Variants in MTMR8 observed in about 807,000 individuals in gnomAD.
MTMR8 encodes phosphatidylinositol-3,5-bisphosphate 3-phosphatase MTMR8.
MTMR8 carries 65 observed loss-of-function variants against 39.3 expected under a neutral mutation model. That is an observed-to-expected ratio of 1.65 (90% CI 1.35 to 2.03). The LOEUF is 2.03. Among genes scored for constraint, MTMR8 ranks in the 30% most tolerant of loss-of-function variants. MTMR8 has a pLI of 0.00. For missense variants in MTMR8, 777 were observed against 538.9 expected (o/e 1.44, Z -4.37); for synonymous variants, 245 against 185.2 (o/e 1.32, Z -2.62).
chrX:64,301,084 T>A (rs1179456073), intron 12 of MTMR8, among the ~76,000 whole-genome samples: 1 of 105,764 alleles, frequency 9.5e-6, no homozygotes, highest in Non-Finnish European at 2.0e-5. Flanking sequence ...GGAGTATCTT[T>A]GTGGCGTTCT....
intron 12 of MTMR8, among the ~76,000 whole-genome samples, chrX:64,302,987 C>A (rs1177907911): frequency 8.9e-6 from 1 of 112,394 alleles, no homozygotes; most frequent in African/African-American, 3.2e-5. Context: ...TGGCCTCGTG[C>A]TGTGAAGGAT....
At position 64,359,588 on chromosome X, in the gene MTMR8, G is replaced by A. The variant is rs188489941; in HGVS notation, c.25-61C>T. On this transcript the variant is annotated intron_variant, in intron 1 of 13. Coordinates refer to ENST00000374852, the MANE Select transcript of MTMR8 (RefSeq NM_017677.4). Reference sequence around the variant, plus strand: ...AACTCACCACCTATGATTGAAGTGGGGCCATTCAAAGCAAGATAAACGCTG... The same window carrying A: ...AACTCACCACCTATGATTGAAGTGGAGCCATTCAAAGCAAGATAAACGCTG... 272 of 1,089,977 alleles carry A rather than the reference G, an allele frequency of 2.5e-4. No homozygotes were observed. The African/African-American group carries it at 3.8e-3, about 15-fold the overall frequency. 89.8% of individuals were successfully genotyped at this position (1,089,977 alleles called of 1,213,427 possible). A position where few individuals can be genotyped will look rare whatever the true frequency, so the allele number is the denominator to read the frequency against.
chrX:64,381,592 G>A (rs1157307724), intron 1 of MTMR8, among the ~76,000 whole-genome samples: 3 of 110,623 alleles, frequency 2.7e-5, no homozygotes, highest in Non-Finnish European at 5.7e-5. Context: ...TTGCTGTGCA[G>A]AAGCTCTTTA....
intron 12 of MTMR8, among the ~76,000 whole-genome samples, chrX:64,286,630 T>A (rs1012823488): frequency 1.8e-5 from 2 of 111,802 alleles, no homozygotes; most frequent in Admixed American, 9.5e-5. Context: ...AAGTGGGCTT[T>A]ATCCCTGGGA....
chrX:64,295,472 T>A (rs1921544108), intron 12 of MTMR8, among the ~76,000 whole-genome samples: 1 of 111,408 alleles, frequency 9.0e-6, no homozygotes, highest in Non-Finnish European at 1.9e-5. Context: ...TGATAAACTG[T>A]ACTTTATCAA....
chrX:64,270,474 C>A (rs146162771), intron 13 of MTMR8, among the ~76,000 whole-genome samples: 1 of 112,175 alleles, frequency 8.9e-6, no homozygotes, highest in Non-Finnish European at 1.9e-5. Context: ...ACTTCTGTAA[C>A]CTGTAATTAA....
chrX:64,335,488 C>A (rs1184603966), intron 10 of MTMR8, among the ~76,000 whole-genome samples: 2 of 112,148 alleles, frequency 1.8e-5, no homozygotes, highest in African/African-American at 6.5e-5. Context: ...TAATATACAG[C>A]ACATTGTTAG....
Position 64,350,035 on chromosome X carries a change from A to G in MTMR8, c.504T>C (p.Pro168=). The change falls in exon 5 of 14, where the codon CCT becomes CCC. Residue 168 remains proline, a synonymous_variant. Coordinates refer to ENST00000374852, the MANE Select transcript of MTMR8 (RefSeq NM_017677.4). Reference sequence around the variant, plus strand: ...CCACCGTTCCCAAGGTAACAGATTTAGGAACCACTATTTCAGGAGGGTAGG... The same window carrying G: ...CCACCGTTCCCAAGGTAACAGATTTGGGAACCACTATTTCAGGAGGGTAGG... ...CSTYPPEIVV[P]KSVTLGTVVG... The G allele has an allele frequency of 8.4e-7, 1 of 1,186,191 alleles. No homozygotes were observed. Among genetic ancestry groups the G allele is most frequent in the Non-Finnish European group, 1.1e-6 (1 of 879,864 alleles).
chrX:64,377,028 G>T (rs2034722553), intron 1 of MTMR8, among the ~76,000 whole-genome samples: 1 of 112,252 alleles, frequency 8.9e-6, no homozygotes, highest in African/African-American at 3.2e-5. Flanking sequence ...AGCCTTGGCA[G>T]CTTCCACATG....
intron 11 of MTMR8, among the ~76,000 whole-genome samples, chrX:64,330,374 T>C (rs890934306): frequency 9.0e-6 from 1 of 111,341 alleles, no homozygotes; most frequent in African/African-American, 3.3e-5. Context: ...AGTACAAATG[T>C]TGAAACAGAA....
At chrX:64,283,582 G>A (rs1311595390) in intron 12 of MTMR8, among the ~76,000 whole-genome samples, 1 of 112,108 alleles carries the variant, frequency 8.9e-6, no homozygotes, top group African/African-American at 3.2e-5. Flanking sequence ...CCCAGTAGGG[G>A]CAGACTGACA....
At chrX:64,313,186 G>A (rs997455762) in intron 12 of MTMR8, among the ~76,000 whole-genome samples, 3 of 112,332 alleles carry the variant, frequency 2.7e-5, no homozygotes, top group Non-Finnish European at 3.8e-5. Flanking sequence ...CCAATAGAAA[G>A]CTGCTTCATC....
At chrX:64,309,086 T>G (rs1167971833) in intron 12 of MTMR8, among the ~76,000 whole-genome samples, 1 of 112,189 alleles carries the variant, frequency 8.9e-6, no homozygotes, top group Admixed American at 9.5e-5. Context: ...TTGTGTTGGC[T>G]ATTCTGAGTC....
chrX:64,304,036 C>G (rs1057231678), intron 12 of MTMR8, among the ~76,000 whole-genome samples: 2 of 111,802 alleles, frequency 1.8e-5, no homozygotes, highest in Non-Finnish European at 3.8e-5. Flanking sequence ...AAAATCTACA[C>G]AAATTAGCTT....
chrX:64,391,520 T>C lies in MTMR8; in HGVS notation c.24+3820A>G, dbSNP rs185223873. 3.6e-5 allele frequency among the ~76,000 whole-genome samples: 4 copies of C among 112,013 alleles called. No homozygotes were observed. The Admixed American group carries it at 3.8e-4, about 11-fold the overall frequency. On this transcript the variant is annotated intron_variant, in intron 1 of 13. Transcript: ENST00000374852. Reference sequence around the variant, plus strand: ...TTTCAGTCTCTTTCATTTTTGGACCTTGTGCTTGGCATCTCATCACCTTAC... The same window carrying C: ...TTTCAGTCTCTTTCATTTTTGGACCCTGTGCTTGGCATCTCATCACCTTAC...
At position 64,268,556 on chromosome X, in the gene MTMR8, T is replaced by A; in HGVS notation, c.2096A>T (p.Asp699Val). The A allele has an allele frequency of 8.3e-7, 1 of 1,207,453 alleles. No homozygotes were observed. ...ACTAACTCACTGATGCTTGGAGTAG[T>A]CTGCCTCCTTGGTGCTGGCCTTGGA... is the stretch of plus-strand genomic sequence containing the variant. ...GISKASTKEA[D>V]YSKHQ The change falls in exon 14 of 14, where the codon GAC becomes GTC. Residue 699 changes from aspartate (D) to valine (V), a missense_variant. Coordinates refer to ENST00000374852, the MANE Select transcript of MTMR8 (RefSeq NM_017677.4).
chrX:64,382,178 A>G (rs1924444934), intron 1 of MTMR8, among the ~76,000 whole-genome samples: 1 of 111,719 alleles, frequency 9.0e-6, no homozygotes, highest in Non-Finnish European at 1.9e-5. Context: ...CATTGAATCT[A>G]TAAATTACCT....
chrX:64,355,749 T>C (rs780343582), intron 3 of MTMR8, among the ~76,000 whole-genome samples: 7 of 111,045 alleles, frequency 6.3e-5, no homozygotes, highest in African/African-American at 2.3e-4. Context: ...ATGAACTGCC[T>C]TAGTCTTCTA....
At chrX:64,328,707 A>G in intron 12 of MTMR8, 65 bp downstream of exon 12, 1 of 1,050,145 alleles carries the variant, frequency 9.5e-7, no homozygotes, top group Non-Finnish European at 1.3e-6. Flanking sequence ...CTATCCAAGG[A>G]GAAGCAAGGA....
Sources: gnomAD v4.1 joint callset for allele counts (sites outside exome capture counted in the v4.1 genomes callset) on GRCh38, gnomAD v4.1.1 for gene constraint, MANE v1.5 for transcripts, NCBI Gene and HGNC (gene_info 2026-07-23, HGNC 2026-07-21) for gene names.